RSRC1: variants seen among roughly 807,000 people sequenced by gnomAD.
RSRC1 encodes the protein arginine and serine rich coiled-coil 1, also known as serine/Arginine-related protein 53.
Under a neutral mutation model 49.1 loss-of-function variants are expected in RSRC1, and 39 were observed. The observed-to-expected ratio is 0.79, with a 90% CI of 0.61 to 1.04. RSRC1 has a LOEUF of 1.04. RSRC1 is among the 50% of genes least tolerant of loss of function. The pLI, the probability that RSRC1 is intolerant of heterozygous loss-of-function variation, is 0.00. For synonymous variants in RSRC1, 143 were observed against 130.8 expected, an observed-to-expected ratio of 1.09 and a Z score of -0.63; for missense variants, 388 against 402.4, an observed-to-expected ratio of 0.96 and a Z score of 0.31.
At chr3:158,239,437 C>T (rs897578896) in intron 4 of RSRC1, among the ~76,000 whole-genome samples, 3 of 152,070 alleles carry the variant, frequency 2.0e-5, no homozygotes, top group African/African-American at 7.2e-5. Flanking sequence ...TTCACAATAG[C>T]AAAGACTTGG....
At chr3:158,214,284 A>G (rs1382976962) in intron 4 of RSRC1, among the ~76,000 whole-genome samples, 7 of 151,800 alleles carry the variant, frequency 4.6e-5, no homozygotes, top group Admixed American at 4.0e-4. Context: ...AGAGTTGTTC[A>G]TAGTATTCCC....
intron 3 of RSRC1, among the ~76,000 whole-genome samples, chr3:158,134,065 G>A (rs991527718): frequency 6.6e-6 from 1 of 150,862 alleles, no homozygotes; most frequent in Non-Finnish European, 1.5e-5. Flanking sequence ...AAAGAAAATG[G>A]CCCTGGAGTA....
chr3:158,315,856 T>TA (rs1728398079), intron 5 of RSRC1, among the ~76,000 whole-genome samples: 1 of 152,122 alleles, frequency 6.6e-6, no homozygotes, highest in Non-Finnish European at 1.5e-5. Context: ...ATGATTTAGT[T>TA]ACATTAATAA....
chr3:158,363,014 A>G (rs1053606785), intron 6 of RSRC1, among the ~76,000 whole-genome samples: 1 of 152,230 alleles, frequency 6.6e-6, no homozygotes, highest in Non-Finnish European at 1.5e-5. Flanking sequence ...GTGGTAAAAC[A>G]ACTTATAAAA....
chr3:158,422,165 G>C (rs1304056066), intron 6 of RSRC1, among the ~76,000 whole-genome samples: 2 of 145,862 alleles, frequency 1.4e-5, no homozygotes, highest in South Asian at 2.3e-4. Context: ...ATGCTGGTGC[G>C]CTGCACCCAC....
chr3:158,330,302 C>T (rs886807107), intron 5 of RSRC1, among the ~76,000 whole-genome samples: 34 of 152,298 alleles, frequency 2.2e-4, no homozygotes, highest in African/African-American at 7.7e-4. Flanking sequence ...AGAAATCACC[C>T]GTCTTCTGCG....
Position 158,545,574 on chromosome 3 carries a change from A to C in RSRC1, c.*1299A>C, listed in dbSNP as rs1435163924. Reference sequence around the variant, plus strand: ...ATATTTCTGGGACATTAAAATTCAAATCTCTGTTGAAAATGAAAAATGTAA... The same window carrying C: ...ATATTTCTGGGACATTAAAATTCAACTCTCTGTTGAAAATGAAAAATGTAA... On this transcript the variant is annotated 3_prime_UTR_variant, in exon 10 of 10. Coordinates refer to ENST00000611884, the MANE Select transcript of RSRC1 (RefSeq NM_001271838.2). 6.6e-6 allele frequency: 1 copy of C among 152,208 alleles called. No individual in the cohort carries two copies. Among genetic ancestry groups the C allele is most frequent in the Admixed American group, 6.5e-5 (1 of 15,272 alleles). The allele number at this position is 152,208 out of a possible 1,614,324, so 9.4% of individuals were successfully genotyped here.
intron 3 of RSRC1, among the ~76,000 whole-genome samples, chr3:158,134,372 CTACCTT>C (rs1162531081): frequency 6.6e-6 from 1 of 152,068 alleles, no homozygotes; most frequent in East Asian, 1.9e-4. Flanking sequence ...CAAAGATCAT[CTACCTT>C]TACAACATGC....
At chr3:158,179,492 G>T (rs904324854) in intron 3 of RSRC1, among the ~76,000 whole-genome samples, 3 of 152,122 alleles carry the variant, frequency 2.0e-5, no homozygotes, top group African/African-American at 7.2e-5. Context: ...AAATGGAATT[G>T]TATAGTATGT....
chr3:158,312,085 A>G (rs1287663711), intron 5 of RSRC1, among the ~76,000 whole-genome samples: 1 of 151,006 alleles, frequency 6.6e-6, no homozygotes, highest in African/African-American at 2.5e-5. Flanking sequence ...TCTTGGTTTT[A>G]TAGAGTGTTA....
At chr3:158,263,865 G>A (rs1725028014) in intron 4 of RSRC1, among the ~76,000 whole-genome samples, 1 of 151,852 alleles carries the variant, frequency 6.6e-6, no homozygotes, top group Non-Finnish European at 1.5e-5. Flanking sequence ...TTTAGCGTCT[G>A]TAGAGTCTAC....
chr3:158,472,318 A>C (rs1322772472), intron 7 of RSRC1, among the ~76,000 whole-genome samples: 1 of 152,194 alleles, frequency 6.6e-6, no homozygotes, highest in African/African-American at 2.4e-5. Context: ...GAAAAAAGAA[A>C]ATATTCTCAC....
At chr3:158,194,861 G>A (rs1446329676) in intron 3 of RSRC1, among the ~76,000 whole-genome samples, 1 of 152,072 alleles carries the variant, frequency 6.6e-6, no homozygotes, top group African/African-American at 2.4e-5. Context: ...ATTCCATGGT[G>A]TATATGTGCC....
chr3:158,450,692 T>C (rs543432538), intron 6 of RSRC1, among the ~76,000 whole-genome samples: 2 of 152,078 alleles, frequency 1.3e-5, no homozygotes, highest in African/African-American at 2.4e-5. Flanking sequence ...AAATTTTTAA[T>C]GAATTTGATA....
chr3:158,285,639 A>C (rs1203908659), intron 4 of RSRC1, among the ~76,000 whole-genome samples: 1 of 151,926 alleles, frequency 6.6e-6, no homozygotes, highest in East Asian at 1.9e-4. Flanking sequence ...TAGGTATTTT[A>C]TTCTCTTTGA....
At chr3:158,468,035 G>T (rs1208286026) in intron 7 of RSRC1, among the ~76,000 whole-genome samples, 1 of 152,194 alleles carries the variant, frequency 6.6e-6, no homozygotes, top group Non-Finnish European at 1.5e-5. Context: ...CTGGGTTCAT[G>T]CCATTCTCCT....
At chr3:158,248,751 C>G (rs1391431498) in intron 4 of RSRC1, among the ~76,000 whole-genome samples, 1 of 152,126 alleles carries the variant, frequency 6.6e-6, no homozygotes, top group Non-Finnish European at 1.5e-5. Flanking sequence ...GCATGTGCCA[C>G]CACGCCTGGC....
At chr3:158,222,163 C>T (rs946139829) in intron 4 of RSRC1, among the ~76,000 whole-genome samples, 3 of 151,482 alleles carry the variant, frequency 2.0e-5, no homozygotes, top group African/African-American at 7.3e-5. Flanking sequence ...TTGTGCAAAA[C>T]ATTCTGAGGA....
At chr3:158,506,651 G>A (rs763548589) in intron 7 of RSRC1, among the ~76,000 whole-genome samples, 60 of 151,544 alleles carry the variant, frequency 4.0e-4, no homozygotes, top group Non-Finnish European at 6.9e-4. Context: ...TAAAATGGCC[G>A]TTACTGAAAA....
Sources: allele counts gnomAD v4.1 joint callset (sites outside exome capture counted in the v4.1 genomes callset), GRCh38; gene constraint gnomAD v4.1.1; transcripts MANE v1.5; gene names NCBI Gene and HGNC (gene_info 2026-07-23, HGNC 2026-07-21).